TMEM140: variants seen among roughly 807,000 people sequenced by gnomAD.
The protein encoded by TMEM140 is transmembrane protein 140.
For synonymous variants in TMEM140, 107 were observed against 106.8 expected (o/e 1.00, Z -0.01); for missense variants, 236 against 228.5 (o/e 1.03, Z -0.21).
chr7:135,156,400 T>A (rs181749701), intron 1 of TMEM140, among the ~76,000 whole-genome samples: 1 of 152,272 alleles, frequency 6.6e-6, no homozygotes, highest in African/African-American at 2.4e-5. Flanking sequence ...TCATTCTTTT[T>A]TATCCTTTTT....
At chr7:135,164,383 GGA>G in intron 1 of TMEM140, 33 bp from the exon 2 acceptor site, 1 of 1,500,506 alleles carries the variant, frequency 6.7e-7, no homozygotes, top group Non-Finnish European at 9.1e-7. Flanking sequence ...AACAAGCAAG[GGA>G]GAGATGGACT....
chr7:135,161,945 C>T lies in TMEM140; in HGVS notation c.-24-2473C>T, dbSNP rs546190549. Among the ~76,000 whole-genome samples the T allele has an allele frequency of 6.6e-5, 10 of 152,352 alleles. No individual in the cohort carries two copies. In the East Asian group the frequency reaches 9.6e-4, roughly 15 times the overall value. On this transcript the variant is annotated intron_variant, in intron 1 of 1. Coordinates refer to ENST00000275767, the MANE Select transcript of TMEM140 (RefSeq NM_018295.5). The surrounding 1 kb of genome is among the most constrained non-coding windows in gnomAD (Gnocchi z 4.1). Reference sequence around the variant, plus strand: ...CAGAGAAGCGGCATCTGAGGGGAGGCGGTGGCAGTGTGGACCCCACCCTTA... The same window carrying T: ...CAGAGAAGCGGCATCTGAGGGGAGGTGGTGGCAGTGTGGACCCCACCCTTA...
chr7:135,148,368 C>A, intron 1 of TMEM140, 98 bp downstream of exon 1: 1 of 333,906 alleles, frequency 3.0e-6, no homozygotes, highest in Non-Finnish European at 5.8e-6. Context: ...TTCTGGCAAT[C>A]CACATAGGGG....
chr7:135,160,666 A>AAG (rs1464758748), intron 1 of TMEM140, among the ~76,000 whole-genome samples: 1 of 152,094 alleles, frequency 6.6e-6, no homozygotes, highest in East Asian at 1.9e-4. Flanking sequence ...CTGCTGTCCT[A>AAG]AGATGTGTAA....
rs1830062523 is a variant in TMEM140, at chr7:135,165,190, A to T, written c.*191A>T. ...GCCAGGGCACCTGTGACTTCTTAGT[A>T]CAAGATTGTCTGTCCTTCAGGACTT... On this transcript the variant is annotated 3_prime_UTR_variant, in exon 2 of 2. Transcript: ENST00000275767. The T allele has an allele frequency of 1.7e-6, 1 of 589,456 alleles. No homozygotes were observed. Among genetic ancestry groups the T allele is most frequent in the Admixed American group, 3.2e-5 (1 of 30,876 alleles). The allele number at this position is 589,456 out of a possible 1,614,324, so 36.5% of individuals were successfully genotyped here.
At position 135,162,875 on chromosome 7, in the gene TMEM140, G is replaced by A. The variant is rs112211428; in HGVS notation, c.-24-1543G>A. On this transcript the variant is annotated intron_variant, in intron 1 of 1. Transcript: ENST00000275767. ...AAGCCCTTCTGATTTAAAACGGAGT[G>A]AAAAGAATTTTTTAAAAGAGTATAA... Among the ~76,000 whole-genome samples the A allele has an allele frequency of 6.3e-4, 96 of 152,330 alleles. 4 individuals carry two copies. Among genetic ancestry groups the A allele is most frequent in the African/African-American group, 1.9e-3 (77 of 41,568 alleles).
At chr7:135,158,279 C>T (rs1016115056) in intron 1 of TMEM140, among the ~76,000 whole-genome samples, 1 of 152,200 alleles carries the variant, frequency 6.6e-6, no homozygotes, top group Non-Finnish European at 1.5e-5. Flanking sequence ...TGGGTATTGA[C>T]CTAGATGTGC....
intron 1 of TMEM140, among the ~76,000 whole-genome samples, chr7:135,162,649 T>C (rs1397575669): frequency 6.6e-6 from 1 of 152,198 alleles, no homozygotes; most frequent in Non-Finnish European, 1.5e-5. Context: ...ATGAGTACAG[T>C]ATGGGGGAAA....
At chr7:135,156,853 C>T (rs528134705) in intron 1 of TMEM140, among the ~76,000 whole-genome samples, 10 of 152,226 alleles carry the variant, frequency 6.6e-5, no homozygotes, top group Admixed American at 4.6e-4. Flanking sequence ...GAGGGGACGC[C>T]AGGGGAGGTA....
In TMEM140 at chr7:135,165,210, G is replaced by T; in HGVS notation, c.*211G>T. The T allele has an allele frequency of 3.7e-6, 2 of 535,322 alleles. No individual in the cohort carries two copies. The highest frequency in any genetic ancestry group is 3.4e-6 in the Non-Finnish European group (1 of 296,166). 33.2% of individuals were successfully genotyped at this position (535,322 alleles called of 1,614,324 possible). A position where few individuals can be genotyped will look rare whatever the true frequency, so the allele number is the denominator to read the frequency against. ...TTAGTACAAGATTGTCTGTCCTTCA[G>T]GACTTCCAAGGCTCCCAAAGACTCC... On this transcript the variant is annotated 3_prime_UTR_variant, in exon 2 of 2. Transcript: ENST00000275767.
At position 135,164,668 on chromosome 7, in the gene TMEM140, C is replaced by A; in HGVS notation, c.227C>A (p.Pro76His). ...CCTGAGCTGGAAGCCCTGGGGGTGCCTCGGGTTGGCCTGGGCCTGGCCAGG... is the reference window on the plus strand; with the variant it reads ...CCTGAGCTGGAAGCCCTGGGGGTGCATCGGGTTGGCCTGGGCCTGGCCAGG... ...QFPELEALGV[P>H]RVGLGLARLG... The change falls in exon 2 of 2, where the codon CCT (proline) becomes CAT (histidine). Residue 76 changes from proline (P) to histidine (H), a missense_variant. Transcript: ENST00000275767. The A allele has an allele frequency of 5.0e-6, 8 of 1,613,596 alleles. No homozygotes were observed. The highest frequency in any genetic ancestry group is 6.8e-6 in the Non-Finnish European group (8 of 1,179,514).
intron 1 of TMEM140, among the ~76,000 whole-genome samples, chr7:135,156,030 C>T (rs1170941618): frequency 1.7e-5 from 2 of 116,082 alleles, no homozygotes; most frequent in Non-Finnish European, 2.0e-5. Context: ...GACAGACACA[C>T]TGTTTTTTTT....
At chr7:135,152,379 G>T (rs1829685828) in intron 1 of TMEM140, among the ~76,000 whole-genome samples, 1 of 152,242 alleles carries the variant, frequency 6.6e-6, no homozygotes, top group Admixed American at 6.5e-5. Context: ...CAGGCCCCCA[G>T]TTAGAGGTAG....
In TMEM140 at chr7:135,159,932, G is replaced by A. The variant is rs146388024; in HGVS notation, c.-24-4486G>A. On this transcript the variant is annotated intron_variant, in intron 1 of 1. Transcript: ENST00000275767. ...GAGACAGGCACTCTCTGAAACTGCT[G>A]GTGGAAACATAAGTTGATTCACAAA... 2.2e-4 allele frequency among the ~76,000 whole-genome samples: 34 copies of A among 152,274 alleles called. No individual in the cohort carries two copies. The East Asian group carries it at 2.7e-3, about 12-fold the overall frequency.
chr7:135,156,573 T>A (rs1318470698), intron 1 of TMEM140, among the ~76,000 whole-genome samples: 1 of 152,130 alleles, frequency 6.6e-6, no homozygotes, highest in Non-Finnish European at 1.5e-5. Context: ...TTATTTAAGA[T>A]GTCTATCTCC....
rs182369596 is a variant in TMEM140 at position 135,162,146 on chromosome 7, A to C, written c.-24-2272A>C. 4.6e-5 allele frequency among the ~76,000 whole-genome samples: 7 copies of C among 152,298 alleles called. No individual in the cohort carries two copies. In the East Asian group the frequency reaches 1.4e-3, roughly 29 times the overall value. ...TTTCCCCACTTGGTCCCTTTCTGTA[A>C]CAAATGCAGTGTGTAGAATGAGACA... On this transcript the variant is annotated intron_variant, in intron 1 of 1. Coordinates refer to ENST00000275767, the MANE Select transcript of TMEM140 (RefSeq NM_018295.5).
chr7:135,159,946 T>C (rs557633461), intron 1 of TMEM140, among the ~76,000 whole-genome samples: 1 of 152,322 alleles, frequency 6.6e-6, no homozygotes, highest in African/African-American at 2.4e-5. Flanking sequence ...GAAACATAAG[T>C]TGATTCACAA....
chr7:135,164,297 G>A, intron 1 of TMEM140, 121 bp from the exon 2 acceptor site: 1 of 759,884 alleles, frequency 1.3e-6, no homozygotes, highest in Non-Finnish European at 2.1e-6. Context: ...TTGGTGGAGG[G>A]CAGGGTAGGA....
chr7:135,148,490 A>G (rs1829595469), intron 1 of TMEM140, among the ~76,000 whole-genome samples: 1 of 152,138 alleles, frequency 6.6e-6, no homozygotes, highest in African/African-American at 2.4e-5. Context: ...CGGCATCAAC[A>G]TGTGTAGCTC....
Sources: gnomAD v4.1 joint callset for allele counts (sites outside exome capture counted in the v4.1 genomes callset) on GRCh38, gnomAD v4.1.1 for gene constraint, Gnocchi (gnomAD v3.1) non-coding constraint, MANE v1.5 for transcripts, NCBI Gene and HGNC (gene_info 2026-07-23, HGNC 2026-07-21) for gene names.